LUZP2: variants seen among roughly 807,000 people sequenced by gnomAD.
LUZP2 encodes leucine zipper protein 2.
LUZP2 carries 52 observed loss-of-function variants against 51.6 expected under a neutral mutation model. The observed-to-expected ratio is 1.01, with a 90% CI of 0.81 to 1.27. The LOEUF (loss-of-function observed/expected upper bound fraction) is 1.27, where lower values mean the gene tolerates loss of function less well. Among genes scored for constraint, LUZP2 ranks in the 50% most tolerant of loss-of-function variants. LUZP2 has a pLI of 0.00. For synonymous variants in LUZP2, 154 were observed against 137.3 expected (o/e 1.12, Z -0.85); for missense variants, 436 against 395.4 (o/e 1.10, Z -0.87).
chr11:24,921,598 G>T (rs1854057823), intron 7 of LUZP2, among the ~76,000 whole-genome samples: 1 of 151,940 alleles, frequency 6.6e-6, no homozygotes, highest in South Asian at 2.1e-4. Flanking sequence ...ATGGTTTGGG[G>T]GTTATTTTTT....
chr11:24,823,027 T>C (rs1447756811), intron 5 of LUZP2, among the ~76,000 whole-genome samples: 1 of 152,152 alleles, frequency 6.6e-6, no homozygotes, highest in Non-Finnish European at 1.5e-5. Flanking sequence ...TCAGGAACTA[T>C]TATGGAGCTG....
At chr11:24,750,645 G>T (rs1425285627) in intron 4 of LUZP2, among the ~76,000 whole-genome samples, 1 of 152,080 alleles carries the variant, frequency 6.6e-6, no homozygotes, top group African/African-American at 2.4e-5. Flanking sequence ...TAAATAAACT[G>T]TATATTCAGT....
At chr11:24,583,706 CT>C (rs34143667) in intron 1 of LUZP2, among the ~76,000 whole-genome samples, 171 of 141,230 alleles carry the variant, frequency 1.2e-3, no homozygotes, top group Middle Eastern at 3.6e-3. Flanking sequence ...GTATACCTTA[CT>C]TTTTTTTTTT....
chr11:24,815,263 G>A (rs892987677), intron 5 of LUZP2, among the ~76,000 whole-genome samples: 2 of 152,104 alleles, frequency 1.3e-5, no homozygotes, highest in Non-Finnish European at 2.9e-5. Context: ...TTAAATAACA[G>A]TACTGTGAAT....
intron 10 of LUZP2, among the ~76,000 whole-genome samples, chr11:25,076,516 C>T (rs1469572315): frequency 1.4e-5 from 2 of 146,458 alleles, no homozygotes; most frequent in African/African-American, 2.5e-5. Flanking sequence ...GGAAAAGTAT[C>T]AGTAAGTAAA....
At chr11:24,584,959 C>A (rs1403909237) in intron 1 of LUZP2, among the ~76,000 whole-genome samples, 2 of 152,162 alleles carry the variant, frequency 1.3e-5, no homozygotes, top group African/African-American at 4.8e-5. Context: ...AATCTAACTT[C>A]ATTCTTCTGA....
chr11:24,851,267 A>G (rs1025239777), intron 5 of LUZP2, among the ~76,000 whole-genome samples: 7 of 152,120 alleles, frequency 4.6e-5, no homozygotes, highest in African/African-American at 1.7e-4. Context: ...AACAGCTCTT[A>G]TTATTTTGAG....
chr11:24,804,450 A>T (rs964660989), intron 5 of LUZP2, among the ~76,000 whole-genome samples: 5 of 152,312 alleles, frequency 3.3e-5, no homozygotes, highest in South Asian at 2.1e-4. Flanking sequence ...ATAATTACTG[A>T]CACAGGAGCC....
chr11:24,980,630 C>A (rs1215160670), intron 8 of LUZP2, among the ~76,000 whole-genome samples: 1 of 151,386 alleles, frequency 6.6e-6, no homozygotes, highest in East Asian at 2.0e-4. Context: ...AACATAAAAA[C>A]AACAAGATGA....
rs565479677 is a variant in LUZP2 at position 24,823,879 on chromosome 11, T to C, written c.396+60571T>C. On this transcript the variant is annotated intron_variant, in intron 5 of 11. Transcript: ENST00000336930. Reference sequence around the variant, plus strand: ...GAGATCGAGACCATCCTGGCTAACATGGTGAAACCCTGTCTCTACTAAAAA... The same window carrying C: ...GAGATCGAGACCATCCTGGCTAACACGGTGAAACCCTGTCTCTACTAAAAA... Among the ~76,000 whole-genome samples the C allele has an allele frequency of 2.6e-3, 394 of 151,696 alleles. 2 individuals carry two copies. The highest frequency in any genetic ancestry group is 3.9e-3 in the Non-Finnish European group (268 of 67,922).
intron 1 of LUZP2, among the ~76,000 whole-genome samples, chr11:24,534,232 T>TA (rs71445495): frequency 0.21 from 32,089 of 150,078 alleles, 4,224 homozygotes; most frequent in African/African-American, 0.37. Context: ...CTTCTGAGAT[T>TA]AAAAAAAACA....
intron 4 of LUZP2, among the ~76,000 whole-genome samples, chr11:24,745,561 G>GC (rs1338230761): frequency 3.3e-5 from 5 of 152,132 alleles, no homozygotes; most frequent in African/African-American, 1.2e-4. Context: ...TTCATGAATT[G>GC]CCCTTTCTAC....
intron 1 of LUZP2, among the ~76,000 whole-genome samples, chr11:24,681,717 T>A (rs1856742583): frequency 6.6e-6 from 1 of 152,208 alleles, no homozygotes; most frequent in Non-Finnish European, 1.5e-5. Flanking sequence ...ATAGACTGGA[T>A]ATTTTCAATG....
intron 10 of LUZP2, among the ~76,000 whole-genome samples, chr11:25,051,448 T>C (rs1858511087): frequency 6.6e-6 from 1 of 152,220 alleles, no homozygotes; most frequent in Non-Finnish European, 1.5e-5. Flanking sequence ...TGCTTGAAAT[T>C]TACTTCCAAA....
At chr11:24,993,597 T>C (rs532542558) in intron 9 of LUZP2, among the ~76,000 whole-genome samples, 17 of 152,184 alleles carry the variant, frequency 1.1e-4, no homozygotes, top group Non-Finnish European at 2.2e-4. Flanking sequence ...CCTTTACCAT[T>C]ATGCGATGCC....
chr11:24,977,705 A>C (rs1052804678), intron 8 of LUZP2, among the ~76,000 whole-genome samples: 1 of 151,692 alleles, frequency 6.6e-6, no homozygotes, highest in Non-Finnish European at 1.5e-5. Context: ...TAATAAATAT[A>C]TGTATGTTGC....
chr11:24,853,066 A>G (rs1851444924), intron 5 of LUZP2, among the ~76,000 whole-genome samples: 1 of 152,130 alleles, frequency 6.6e-6, no homozygotes, highest in Admixed American at 6.5e-5. Flanking sequence ...CATTTATCCC[A>G]TTTACATTTA....
At chr11:24,718,733 A>C (rs564946717) in intron 1 of LUZP2, among the ~76,000 whole-genome samples, 2 of 152,310 alleles carry the variant, frequency 1.3e-5, no homozygotes, top group African/African-American at 4.8e-5. Context: ...AAAGAGATGG[A>C]GAATACAGAA....
chr11:24,618,559 G>C (rs1605872), intron 1 of LUZP2, among the ~76,000 whole-genome samples: 33,620 of 152,074 alleles, frequency 0.22, 4,585 homozygotes, highest in African/African-American at 0.38. Context: ...GAGACAACAT[G>C]CTTCTGTTGG....
Sources: gnomAD v4.1 joint callset for allele counts (sites outside exome capture counted in the v4.1 genomes callset) on GRCh38, gnomAD v4.1.1 for gene constraint, MANE v1.5 for transcripts, NCBI Gene and HGNC (gene_info 2026-07-23, HGNC 2026-07-21) for gene names.